The following STAG1 variants were observed in gnomAD, a reference collection of about 807,000 sequenced individuals.
STAG1 encodes the protein STAG1 cohesin complex component.
Under a neutral mutation model 170.9 loss-of-function variants are expected in STAG1, and 26 were observed. The observed-to-expected ratio is 0.15, with a 90% CI of 0.11 to 0.21. The LOEUF (loss-of-function observed/expected upper bound fraction) is 0.21. Ranked by LOEUF, STAG1 falls within the 10% of genes least tolerant of loss-of-function variation. STAG1 has a pLI of 1.00. For synonymous variants in STAG1, 514 were observed against 497.7 expected (o/e 1.03, Z -0.44); for missense variants, 964 against 1,509.5 (o/e 0.64, Z 5.99).
chr3:136,712,750 G>T (rs1040116091), intron 1 of STAG1, among the ~76,000 whole-genome samples: 1 of 152,126 alleles, frequency 6.6e-6, no homozygotes, highest in Non-Finnish European at 1.5e-5. Flanking sequence ...AAGAGATTTC[G>T]ATCTTAGATA....
chr3:136,438,193 T>G (rs888644034), intron 15 of STAG1, among the ~76,000 whole-genome samples: 4 of 152,080 alleles, frequency 2.6e-5, no homozygotes, highest in African/African-American at 9.7e-5. Context: ...TAGATAGCTC[T>G]TTTATGACAA....
At chr3:136,478,411 T>A (rs1415653615) in intron 9 of STAG1, among the ~76,000 whole-genome samples, 1 of 152,224 alleles carries the variant, frequency 6.6e-6, no homozygotes, top group Non-Finnish European at 1.5e-5. Context: ...TTAACACTTT[T>A]ATAATCTTTC....
intron 15 of STAG1, among the ~76,000 whole-genome samples, chr3:136,435,224 C>G (rs371596751): frequency 3.8e-4 from 58 of 152,246 alleles, no homozygotes; most frequent in African/African-American, 1.3e-3. Context: ...TAAGAATTTT[C>G]TATATCTAAA....
At chr3:136,594,915 C>T (rs1235582422) in intron 4 of STAG1, among the ~76,000 whole-genome samples, 2 of 152,122 alleles carry the variant, frequency 1.3e-5, no homozygotes, top group Admixed American at 1.3e-4. Flanking sequence ...GGACTACAGA[C>T]ACATGCCACC....
chr3:136,451,902 C>T, intron 14 of STAG1, 131 bp downstream of exon 14: 1 of 608,864 alleles, frequency 1.6e-6, no homozygotes, highest in South Asian at 2.2e-5. Flanking sequence ...GATTCTATAT[C>T]ATGCAATTCA....
At position 136,713,697 on chromosome 3, in the gene STAG1, G is replaced by A. The variant is rs1437922098; in HGVS notation, c.-84+38498C>T. 2.0e-5 allele frequency among the ~76,000 whole-genome samples: 3 copies of A among 152,100 alleles called. No homozygotes were observed. In the South Asian group the frequency reaches 6.2e-4, roughly 32 times the overall value. ...GAGGCCAGGAGTTAGAGACCAGCCT[G>A]GGCAATATAGCAAGATCCTGTCTCT... On this transcript the variant is annotated intron_variant, in intron 1 of 33. Coordinates refer to ENST00000383202, the MANE Select transcript of STAG1 (RefSeq NM_005862.3).
At chr3:136,558,578 T>C (rs927369238) in intron 5 of STAG1, among the ~76,000 whole-genome samples, 5 of 152,202 alleles carry the variant, frequency 3.3e-5, no homozygotes, top group Non-Finnish European at 5.9e-5. Context: ...AATCTGATAT[T>C]TGTAATCCTA....
intron 1 of STAG1, among the ~76,000 whole-genome samples, chr3:136,635,405 A>G (rs1341267711): frequency 6.6e-6 from 1 of 152,244 alleles, no homozygotes; most frequent in African/African-American, 2.4e-5. Flanking sequence ...AAAGCACTTG[A>G]CAAAATCCAA....
chr3:136,417,979 TAAAC>T lies in STAG1; in HGVS notation c.2109-11_2109-8del. 1 of 1,597,540 alleles carries T rather than the reference TAAAC, an allele frequency of 6.3e-7. No individual in the cohort carries two copies. The highest frequency in any genetic ancestry group is 8.6e-7 in the Non-Finnish European group (1 of 1,165,676). ...TTTTGTGAGATCATGTGCACTGAAA[TAAAC>T]AAAAATGCATCTGTTTTATTCTAGA... On this transcript the variant is annotated splice_polypyrimidine_tract_variant and splice_region_variant and intron_variant, in intron 20 of 33. Transcript: ENST00000383202.
At chr3:136,550,877 G>A (rs923290219) in intron 5 of STAG1, among the ~76,000 whole-genome samples, 4 of 151,996 alleles carry the variant, frequency 2.6e-5, no homozygotes, top group African/African-American at 9.7e-5. Flanking sequence ...CTTTTCTCAC[G>A]GTTAGACAGG....
intron 5 of STAG1, among the ~76,000 whole-genome samples, chr3:136,543,959 T>C (rs1361735811): frequency 2.0e-5 from 3 of 152,286 alleles, no homozygotes; most frequent in East Asian, 3.9e-4. Context: ...AGTTCCTAAG[T>C]TGAGTTCTAC....
At chr3:136,535,597 A>G (rs1226519067) in intron 6 of STAG1, among the ~76,000 whole-genome samples, 1 of 152,234 alleles carries the variant, frequency 6.6e-6, no homozygotes, top group Non-Finnish European at 1.5e-5. Flanking sequence ...TGGGAGGTGG[A>G]GGTTGCAGTG....
intron 13 of STAG1, among the ~76,000 whole-genome samples, chr3:136,455,408 T>C (rs906332428): frequency 6.6e-6 from 1 of 152,168 alleles, no homozygotes; most frequent in African/African-American, 2.4e-5. Context: ...TCAAAGAGAA[T>C]TTCCCTAGAC....
At chr3:136,563,878 C>G (rs189717985) in intron 5 of STAG1, among the ~76,000 whole-genome samples, 1 of 152,172 alleles carries the variant, frequency 6.6e-6, no homozygotes, top group East Asian at 1.9e-4. Context: ...AAAACTTTAG[C>G]TGGGCATGGT....
intron 13 of STAG1, among the ~76,000 whole-genome samples, chr3:136,455,088 T>C (rs1409255799): frequency 1.3e-5 from 2 of 152,172 alleles, no homozygotes; most frequent in Admixed American, 1.3e-4. Context: ...ATTGGCTTGA[T>C]TTTCACAAAG....
chr3:136,578,185 T>TTAA (rs1394821261), intron 4 of STAG1, among the ~76,000 whole-genome samples: 1 of 152,220 alleles, frequency 6.6e-6, no homozygotes, highest in Admixed American at 6.5e-5. Flanking sequence ...AATGTGGTCA[T>TTAA]TAAGAGATTT....
chr3:136,736,987 T>C, intron 1 of STAG1: 1 of 1,595,414 alleles, frequency 6.3e-7, no homozygotes, highest in South Asian at 1.1e-5. Context: ...ATCTTGATTT[T>C]TGTCAGGATG....
intron 1 of STAG1, among the ~76,000 whole-genome samples, chr3:136,742,575 T>TGTG (rs1934723152): frequency 2.0e-5 from 3 of 151,526 alleles, no homozygotes. Flanking sequence ...ATTAGCTGGG[T>TGTG]GTGGTGGTGT....
intron 1 of STAG1, among the ~76,000 whole-genome samples, chr3:136,645,201 T>C (rs1216270626): frequency 6.6e-6 from 1 of 152,212 alleles, no homozygotes; most frequent in Non-Finnish European, 1.5e-5. Context: ...TATACTCCCC[T>C]GATTTCACTG....
Sources: allele counts gnomAD v4.1 joint callset (sites outside exome capture counted in the v4.1 genomes callset), GRCh38; gene constraint gnomAD v4.1.1; transcripts MANE v1.5; gene names NCBI Gene and HGNC (gene_info 2026-07-23, HGNC 2026-07-21).